The following CADM2 variants were observed in gnomAD, a reference collection of about 807,000 sequenced individuals.
The protein encoded by CADM2 is cell adhesion molecule 2.
In CADM2, 12 loss-of-function variants were observed where a neutral mutation model predicts 49.8. The observed-to-expected ratio is 0.24, with a 90% CI of 0.15 to 0.39. CADM2 has a LOEUF of 0.39. CADM2 is among the 10% of genes least tolerant of loss of function. The pLI, the probability that CADM2 is intolerant of heterozygous loss-of-function variation, is 1.00. For missense variants in CADM2, 378 were observed against 492.3 expected (o/e 0.77, Z 2.20); for synonymous variants, 214 against 175.4 (o/e 1.22, Z -1.74).
At chr3:85,013,478 A>G (rs2034094409) in intron 1 of CADM2, among the ~76,000 whole-genome samples, 1 of 151,950 alleles carries the variant, frequency 6.6e-6, no homozygotes, top group Non-Finnish European at 1.5e-5. Flanking sequence ...CTAAGGAGAA[A>G]TCAAATCTTT....
intron 8 of CADM2, among the ~76,000 whole-genome samples, chr3:85,964,738 A>G (rs567478299): frequency 6.6e-6 from 1 of 151,800 alleles, no homozygotes; most frequent in Non-Finnish European, 1.5e-5. Context: ...TGAAGGTTCC[A>G]TTAAGAAAGA....
chr3:85,958,835 G>A (rs1724414649), intron 7 of CADM2, among the ~76,000 whole-genome samples: 1 of 151,832 alleles, frequency 6.6e-6, no homozygotes, highest in Admixed American at 6.6e-5. Context: ...ACTCATAAGT[G>A]GGAGTTGAAC....
At chr3:86,053,143 C>T (rs907507372) in intron 8 of CADM2, among the ~76,000 whole-genome samples, 27 of 152,196 alleles carry the variant, frequency 1.8e-4, no homozygotes, top group African/African-American at 5.3e-4. Flanking sequence ...CTTCCTATAA[C>T]GGAGTAAATT....
At chr3:85,518,516 T>C (rs1336015091) in intron 1 of CADM2, among the ~76,000 whole-genome samples, 2 of 152,100 alleles carry the variant, frequency 1.3e-5, no homozygotes, top group Non-Finnish European at 2.9e-5. Context: ...TCTTATTGTT[T>C]ATATGAGCAA....
chr3:85,995,470 C>G (rs904708255), intron 8 of CADM2, among the ~76,000 whole-genome samples: 1 of 152,104 alleles, frequency 6.6e-6, no homozygotes, highest in South Asian at 2.1e-4. Flanking sequence ...CATAATACCC[C>G]TGAATAATTT....
chr3:85,537,371 A>T (rs17457217), intron 1 of CADM2, among the ~76,000 whole-genome samples: 77,859 of 151,868 alleles, frequency 0.51, 23,038 homozygotes, highest in East Asian at 0.85. Context: ...TGAGTTTGTT[A>T]TTCTAGTACC....
chr3:85,924,586 C>T (rs536617672), intron 6 of CADM2, among the ~76,000 whole-genome samples: 8 of 104,732 alleles, frequency 7.6e-5, no homozygotes, highest in African/African-American at 3.5e-4. Context: ...AATGAAACAA[C>T]ATCTAAAAAT....
chr3:85,063,653 T>A (rs2036418237), intron 1 of CADM2, among the ~76,000 whole-genome samples: 1 of 152,014 alleles, frequency 6.6e-6, no homozygotes, highest in Non-Finnish European at 1.5e-5. Context: ...AAAAAAGAAA[T>A]TAATGAGCTG....
chr3:85,966,076 T>A (rs939888214), intron 8 of CADM2, among the ~76,000 whole-genome samples: 2 of 151,844 alleles, frequency 1.3e-5, no homozygotes, highest in Admixed American at 6.6e-5. Context: ...TAATAACCAC[T>A]GCTCAAAATA....
intron 1 of CADM2, among the ~76,000 whole-genome samples, chr3:85,527,075 T>G (rs1294527673): frequency 1.3e-5 from 2 of 152,142 alleles, no homozygotes; most frequent in Non-Finnish European, 2.9e-5. Flanking sequence ...TGCTATTTTG[T>G]GTGCTAATTA....
At chr3:85,976,812 T>C (rs1726839189) in intron 8 of CADM2, among the ~76,000 whole-genome samples, 1 of 151,554 alleles carries the variant, frequency 6.6e-6, no homozygotes, top group African/African-American at 2.4e-5. Flanking sequence ...AACCAGGCTA[T>C]GTGTAAATAA....
intron 1 of CADM2, among the ~76,000 whole-genome samples, chr3:85,571,379 A>C (rs79490877): frequency 6.6e-6 from 1 of 150,920 alleles, no homozygotes; most frequent in Non-Finnish European, 1.5e-5. Flanking sequence ...TCTTATGCTT[A>C]GGAAACCTTG....
At chr3:85,609,331 G>C (rs1188048040) in intron 1 of CADM2, among the ~76,000 whole-genome samples, 1 of 152,046 alleles carries the variant, frequency 6.6e-6, no homozygotes, top group Non-Finnish European at 1.5e-5. Context: ...TAATACTATA[G>C]TATATTTGAC....
intron 1 of CADM2, among the ~76,000 whole-genome samples, chr3:85,712,147 C>T (rs1053922822): frequency 2.6e-5 from 4 of 152,144 alleles, no homozygotes; most frequent in Non-Finnish European, 5.9e-5. Context: ...AAGGTAGTTA[C>T]AGAATAATGT....
chr3:86,018,916 C>T (rs1270748172), intron 8 of CADM2, among the ~76,000 whole-genome samples: 1 of 148,324 alleles, frequency 6.7e-6, no homozygotes, highest in East Asian at 1.9e-4. Context: ...CTTTTGTTGC[C>T]ATTGCTTTTG....
At chr3:85,942,823 A>G (rs376430826) in intron 7 of CADM2, among the ~76,000 whole-genome samples, 7 of 151,960 alleles carry the variant, frequency 4.6e-5, no homozygotes, top group Admixed American at 4.6e-4. Flanking sequence ...ATAGCAGCAT[A>G]ATTTATAGTC....
At chr3:85,585,803 G>C (rs1473983229) in intron 1 of CADM2, among the ~76,000 whole-genome samples, 1 of 151,972 alleles carries the variant, frequency 6.6e-6, no homozygotes, top group African/African-American at 2.4e-5. Context: ...TGTTACGTAA[G>C]TTGTTTTAGC....
chr3:86,037,328 T>C (rs750384825), intron 8 of CADM2, among the ~76,000 whole-genome samples: 1 of 152,168 alleles, frequency 6.6e-6, no homozygotes, highest in East Asian at 1.9e-4. Context: ...GCAATACTTA[T>C]TACAGCCTCC....
At chr3:85,089,667 T>C (rs9883252) in intron 1 of CADM2, among the ~76,000 whole-genome samples, 68,395 of 151,944 alleles carry the variant, frequency 0.45, 17,806 homozygotes, top group Non-Finnish European at 0.6. Context: ...AACTGGAACA[T>C]TTTTTGTCTT....
Sources: gnomAD v4.1 joint callset for allele counts (sites outside exome capture counted in the v4.1 genomes callset) on GRCh38, gnomAD v4.1.1 for gene constraint, MANE v1.5 for transcripts, NCBI Gene and HGNC (gene_info 2026-07-23, HGNC 2026-07-21) for gene names.